ZNF544: variants seen among roughly 807,000 people sequenced by gnomAD.
ZNF544 encodes zinc finger protein AF020591.
ZNF544 carries 10 observed loss-of-function variants against 13.5 expected under a neutral mutation model. The ratio of observed to expected loss-of-function variants is 0.74; its 90% confidence interval spans 0.46 to 1.25. The LOEUF is 1.25. Ranked by LOEUF, ZNF544 falls within the 50% of genes most tolerant of loss-of-function variation. The pLI, the probability that ZNF544 is intolerant of heterozygous loss-of-function variation, is 0.00. For missense variants in ZNF544, 896 were observed against 845.6 expected (o/e 1.06, Z -0.74); for synonymous variants, 323 against 300.5 (o/e 1.07, Z -0.77).
chr19:58,244,091 C>T (rs1303665112), intron 4 of ZNF544, 35 bp downstream of exon 4: 2 of 1,582,742 alleles, frequency 1.3e-6, no homozygotes, highest in East Asian at 4.5e-5. Flanking sequence ...GTGCCTTGGT[C>T]TCCATAGATG....
At chr19:58,255,032 C>T (rs542552670) in intron 6 of ZNF544, among the ~76,000 whole-genome samples, 4 of 146,336 alleles carry the variant, frequency 2.7e-5, no homozygotes, top group East Asian at 2.0e-4. Context: ...GGACTACAGG[C>T]GCCCGCCACC....
At position 58,261,682 on chromosome 19, in the gene ZNF544, G is replaced by C; in HGVS notation, c.1076G>C (p.Cys359Ser). ...GAGAAGCCATCTGTGTGTAATCAGT[G>C]TGGAAAATCTTTCAGCTGTTGTAAG... ...TTEKPSVCNQCGKSFSCCKLI... is the reference protein window; with the variant it reads ...TTEKPSVCNQSGKSFSCCKLI... Residue 359 changes from cysteine (C) to serine (S), a missense_variant, in exon 7 of 7, where the codon TGT (cysteine) becomes TCT (serine). By Grantham distance (112) the Cys-to-Ser change is moderately radical. Transcript: ENST00000687789. 2 of 1,614,218 alleles carry C rather than the reference G, an allele frequency of 1.2e-6. No homozygotes were observed. The highest frequency in any genetic ancestry group is 1.7e-6 in the Non-Finnish European group (2 of 1,180,032).
intron 6 of ZNF544, among the ~76,000 whole-genome samples, chr19:58,256,126 A>G (rs260455): frequency 0.2 from 30,092 of 152,060 alleles, 3,622 homozygotes; most frequent in East Asian, 0.56. Flanking sequence ...TGGAAAGGGA[A>G]AAAGAGAGAG....
intron 5 of ZNF544, among the ~76,000 whole-genome samples, chr19:58,272,731 G>GT (rs2050778879): frequency 6.6e-6 from 1 of 151,642 alleles, no homozygotes; most frequent in Non-Finnish European, 1.5e-5. Context: ...AAAAGACGTG[G>GT]TGGTGCGTGC....
At position 58,261,707 on chromosome 19, in the gene ZNF544, G is replaced by A. The variant is rs752029464; in HGVS notation, c.1101G>A (p.Lys367=). ...GTGGAAAATCTTTCAGCTGTTGTAA[G>A]CTCATACACCAGAGAACACACACTG... ...NQCGKSFSCC[K]LIHQRTHTGE... The change falls in exon 7 of 7, where the codon AAG becomes AAA. Residue 367 remains lysine (K), a synonymous_variant. Transcript: ENST00000687789. 1 of 1,614,212 alleles carries A rather than the reference G, an allele frequency of 6.2e-7. No individual in the cohort carries two copies. The highest frequency in any genetic ancestry group is 1.1e-5 in the South Asian group (1 of 91,090).
chr19:58,233,862 C>T (rs541717454), intron 3 of ZNF544, among the ~76,000 whole-genome samples: 12 of 152,296 alleles, frequency 7.9e-5, no homozygotes, highest in Admixed American at 1.3e-4. Context: ...AAATTGTGTC[C>T]AGCCTTAACA....
chr19:58,245,735 C>T (rs1231426748), intron 4 of ZNF544: 2 of 166,270 alleles, frequency 1.2e-5, no homozygotes, highest in Non-Finnish European at 2.7e-5. Flanking sequence ...AGTTTTCCCA[C>T]CCCGATTTAG....
rs770196462 is a variant in ZNF544 at position 58,261,188 on chromosome 19, G to T, written c.582G>T (p.Leu194Phe). 1.9e-6 allele frequency: 3 copies of T among 1,614,114 alleles called. No individual in the cohort carries two copies. In the African/African-American group the frequency reaches 4.0e-5, roughly 22 times the overall value. ...FPKPNSQVKE[L>F]KQNSAFINHE... ...AGCCCAACTCACAAGTTAAAGAGTT[G>T]AAACAAAATTCAGCTTTCATTAATC... The change falls in exon 7 of 7, where the codon TTG becomes TTT. Residue 194 changes from leucine to phenylalanine, a missense_variant. Leu to Phe is a conservative substitution (Grantham distance 22). Coordinates refer to ENST00000687789, the MANE Select transcript of ZNF544 (RefSeq NM_014480.4).
downstream of ZNF544, among the ~76,000 whole-genome samples, chr19:58,266,387 T>C (rs1038182939): frequency 6.6e-6 from 1 of 151,178 alleles, no homozygotes; most frequent in Admixed American, 6.6e-5. Context: ...TGGTGGCAGG[T>C]GCCTGTAGTC....
At chr19:58,271,897 C>T (rs1265123544) in intron 5 of ZNF544, among the ~76,000 whole-genome samples, 2 of 152,232 alleles carry the variant, frequency 1.3e-5, no homozygotes, top group South Asian at 2.1e-4. Context: ...CGCAGTGGCT[C>T]ATGCCTGTAA....
In ZNF544 at chr19:58,244,033, C is replaced by A. The variant is rs199955971; in HGVS notation, c.10C>A (p.Arg4Ser). Residue 4 changes from arginine (R) to serine (S), a missense_variant, in exon 4 of 7, where the codon CGT becomes AGT. By Grantham distance (110) the Arg-to-Ser change is moderately radical (BLOSUM62 -1). Transcript: ENST00000687789. ...CAGGTGCAGGGAGGAAATGGAAGCA[C>A]GTTCTATGCTGGTTCCACCCCAGGT... MEA[R>S]SMLVPPQASV... 6 of 1,608,314 alleles carry A rather than the reference C, an allele frequency of 3.7e-6. No individual in the cohort carries two copies. The highest frequency in any genetic ancestry group is 5.1e-6 in the Non-Finnish European group (6 of 1,177,182).
intron 3 of ZNF544, among the ~76,000 whole-genome samples, chr19:58,234,677 A>G (rs2042027956): frequency 6.6e-6 from 1 of 152,252 alleles, no homozygotes; most frequent in Non-Finnish European, 1.5e-5. Flanking sequence ...AAACATACAC[A>G]TGCAGAAAGG....
chr19:58,242,150 A>T, intron 3 of ZNF544: 1 of 789,500 alleles, frequency 1.3e-6, no homozygotes, highest in Non-Finnish European at 1.5e-6. Flanking sequence ...AAATGAGAGC[A>T]TCGCTGGGGT....
At chr19:58,270,587 A>G (rs1797200965) in intron 5 of ZNF544, among the ~76,000 whole-genome samples, 1 of 152,100 alleles carries the variant, frequency 6.6e-6, no homozygotes, top group Admixed American at 6.6e-5. Flanking sequence ...GGGATGAGCC[A>G]TTGCACCCGG....
intron 6 of ZNF544, among the ~76,000 whole-genome samples, chr19:58,257,038 G>A (rs1464939264): frequency 6.6e-6 from 1 of 152,022 alleles, no homozygotes; most frequent in African/African-American, 2.4e-5. Flanking sequence ...TCTCCTGCCT[G>A]AGCCTCCTGA....
intron 5 of ZNF544, among the ~76,000 whole-genome samples, chr19:58,275,381 A>G (rs1439361415): frequency 1.3e-5 from 2 of 152,090 alleles, no homozygotes; most frequent in South Asian, 2.1e-4. Context: ...TCTCATTATT[A>G]TTATGAATTT....
At chr19:58,241,302 G>A (rs1469697630) in intron 3 of ZNF544, among the ~76,000 whole-genome samples, 1 of 148,924 alleles carries the variant, frequency 6.7e-6, no homozygotes, top group African/African-American at 2.5e-5. Flanking sequence ...GTGAGCCAAT[G>A]TGCCTGGCCC....
intron 6 of ZNF544, among the ~76,000 whole-genome samples, chr19:58,247,981 T>G (rs905192521): frequency 4.0e-5 from 6 of 151,794 alleles, no homozygotes; most frequent in Non-Finnish European, 7.4e-5. Context: ...TGGTGTGATC[T>G]CAGCTCACTG....
chr19:58,264,669 C>T (rs1395562363), downstream of ZNF544, among the ~76,000 whole-genome samples: 1 of 151,848 alleles, frequency 6.6e-6, no homozygotes, highest in Non-Finnish European at 1.5e-5. Flanking sequence ...CTAGCTTGGG[C>T]AACAGGGCAA....
Sources: gnomAD v4.1 joint callset for allele counts (sites outside exome capture counted in the v4.1 genomes callset) on GRCh38, gnomAD v4.1.1 for gene constraint, MANE v1.5 for transcripts, NCBI Gene and HGNC (gene_info 2026-07-23, HGNC 2026-07-21) for gene names.